Variants in MAP3K5 observed in about 807,000 individuals in gnomAD.
MAP3K5 encodes the protein mitogen-activated protein kinase kinase kinase 5, also known as ASK-1.
A neutral mutation model predicts 158.7 loss-of-function variants in MAP3K5; 56 were observed. That is an observed-to-expected ratio of 0.35 (90% CI 0.28 to 0.44). The LOEUF is 0.44. Ranked by LOEUF, MAP3K5 falls within the 20% of genes least tolerant of loss-of-function variation. The pLI, the probability that MAP3K5 is intolerant of heterozygous loss-of-function variation, is 1.00. For synonymous variants in MAP3K5, 579 were observed against 601.7 expected (o/e 0.96, Z 0.55); for missense variants, 1,294 against 1,674.8 (o/e 0.77, Z 3.97).
At chr6:136,773,556 TTCTC>T (rs1784293459) in intron 1 of MAP3K5, among the ~76,000 whole-genome samples, 1 of 152,172 alleles carries the variant, frequency 6.6e-6, no homozygotes. Flanking sequence ...TCTCTGAACT[TTCTC>T]TCATCTGTTG....
intron 19 of MAP3K5, 81 bp from the exon 20 acceptor site, chr6:136,602,060 C>T (rs1775902220): frequency 1.8e-6 from 2 of 1,090,200 alleles, no homozygotes; most frequent in Non-Finnish European, 2.7e-6. Flanking sequence ...ATAACTTGAC[C>T]CCCCAATGCA....
rs527707294 is a variant in MAP3K5, at chr6:136,791,266, G to GT, written c.448+443dup. On this transcript the variant is annotated intron_variant, in intron 1 of 29. Transcript: ENST00000359015. ...AATATAGTTACACTCTGCGTGCATG[G>GT]TATGTCATCGTTCCCGTACTCTCAA... Among the ~76,000 whole-genome samples, 4 of 152,280 alleles carry GT rather than the reference G, an allele frequency of 2.6e-5. No homozygotes were observed. The South Asian group carries it at 8.3e-4, about 32-fold the overall frequency.
At chr6:136,738,521 T>C (rs984491502) in intron 1 of MAP3K5, among the ~76,000 whole-genome samples, 6 of 152,038 alleles carry the variant, frequency 3.9e-5, no homozygotes, top group Non-Finnish European at 7.4e-5. Context: ...AAAAGAGTCT[T>C]CCAACTGGCA....
chr6:136,574,750 A>G lies in MAP3K5; in HGVS notation c.3517+5551T>C, dbSNP rs564173435. 1.1e-4 allele frequency among the ~76,000 whole-genome samples: 14 copies of G among 130,548 alleles called. No homozygotes were observed. The East Asian group carries it at 1.9e-3, about 18-fold the overall frequency. 85.6% of individuals were successfully genotyped at this position (130,548 alleles called of 152,430 possible). A position where few individuals can be genotyped will look rare whatever the true frequency, so the allele number is the denominator to read the frequency against. ...TTCACCCAGGCTGGAGTGCAGTGGC[A>G]CGATCTCGGCTCACTGCAGGCTCCA... On this transcript the variant is annotated intron_variant, in intron 25 of 29. Coordinates refer to ENST00000359015, the MANE Select transcript of MAP3K5 (RefSeq NM_005923.4).
chr6:136,573,674 A>T (rs1204283884), intron 25 of MAP3K5, among the ~76,000 whole-genome samples: 1 of 152,152 alleles, frequency 6.6e-6, no homozygotes, highest in Non-Finnish European at 1.5e-5. Flanking sequence ...AGGGAAGTGT[A>T]TTTGAAAGAA....
intron 1 of MAP3K5, among the ~76,000 whole-genome samples, chr6:136,736,247 C>T (rs1166527898): frequency 6.6e-6 from 1 of 152,216 alleles, no homozygotes; most frequent in Non-Finnish European, 1.5e-5. Flanking sequence ...ATGGAAACCT[C>T]TCACAGTCAG....
intron 4 of MAP3K5, among the ~76,000 whole-genome samples, chr6:136,697,865 CT>C (rs1780671181): frequency 6.6e-6 from 1 of 152,126 alleles, no homozygotes. Flanking sequence ...TTGCCTCAGC[CT>C]TGTGAGTAGC....
At chr6:136,764,662 C>T (rs1053066693) in intron 1 of MAP3K5, among the ~76,000 whole-genome samples, 3 of 152,064 alleles carry the variant, frequency 2.0e-5, no homozygotes, top group Non-Finnish European at 2.9e-5. Context: ...GTGGTTATGC[C>T]GCAACAGAAA....
chr6:136,656,110 A>T, intron 10 of MAP3K5, 197 bp downstream of exon 10: 1 of 544,726 alleles, frequency 1.8e-6, no homozygotes, highest in Non-Finnish European at 3.3e-6. Context: ...ACATAAAAAT[A>T]GATCTCATTT....
intron 18 of MAP3K5, among the ~76,000 whole-genome samples, chr6:136,610,597 T>TAAAA (rs201221344): frequency 3.1e-5 from 2 of 64,338 alleles, no homozygotes; most frequent in African/African-American, 5.8e-5. Flanking sequence ...AAATGTTTAA[T>TAAAA]AAAAAAAAAA....
chr6:136,567,661 T>C lies in MAP3K5; in HGVS notation c.3731A>G (p.Gln1244Arg). ...GGTTTCTATTTTCATCCTTCCAAGC[T>C]GTACATTCAGTGACCGGTGAGCACT... Reference protein sequence around the residue: ...SQSAHRSLNVQLGRMKIETNR... With the variant: ...SQSAHRSLNVRLGRMKIETNR... Residue 1244 changes from glutamine to arginine, a missense_variant, in exon 26 of 30, where the codon CAG (glutamine) becomes CGG (arginine). Physicochemically the swap from Gln to Arg is conservative, Grantham distance 43. Coordinates refer to ENST00000359015, the MANE Select transcript of MAP3K5 (RefSeq NM_005923.4). The C allele has an allele frequency of 6.2e-7, 1 of 1,614,182 alleles. No homozygotes were observed. Among genetic ancestry groups the C allele is most frequent in the Non-Finnish European group, 8.5e-7 (1 of 1,180,016 alleles).
At chr6:136,557,908 G>A (rs1416891171) in intron 29 of MAP3K5, 90 bp from the exon 30 acceptor site, 1 of 850,898 alleles carries the variant, frequency 1.2e-6, no homozygotes, top group Admixed American at 1.7e-5. Context: ...GCTTTCATCT[G>A]CTCTGGTCAG....
intron 10 of MAP3K5, among the ~76,000 whole-genome samples, chr6:136,651,773 T>G (rs543122946): frequency 2.0e-5 from 3 of 152,256 alleles, no homozygotes; most frequent in Admixed American, 2.0e-4. Context: ...ATGTGATAAA[T>G]GAGTTGAGAA....
At chr6:136,571,898 T>C (rs1247136239) in intron 25 of MAP3K5, among the ~76,000 whole-genome samples, 1 of 152,228 alleles carries the variant, frequency 6.6e-6, no homozygotes, top group East Asian at 1.9e-4. Context: ...TTCCAATTTC[T>C]CCATGTCCTC....
intron 23 of MAP3K5, among the ~76,000 whole-genome samples, chr6:136,587,101 G>T (rs369120765): frequency 6.6e-6 from 1 of 152,150 alleles, no homozygotes; most frequent in South Asian, 2.1e-4. Flanking sequence ...ATGCTCTCCA[G>T]TCTTTATCCT....
chr6:136,759,761 ATTTTT>A (rs11317822), intron 1 of MAP3K5, among the ~76,000 whole-genome samples: 2 of 99,928 alleles, frequency 2.0e-5, no homozygotes, highest in Non-Finnish European at 3.9e-5. Flanking sequence ...CCAGCCCTCT[ATTTTT>A]TTTTTTTTTT....
rs1775420524 is a variant in MAP3K5 at position 136,592,260 on chromosome 6, C to T, written c.3138G>A (p.Lys1046=). ...EKDSGFFMLR[K]DSERRATLHR... is the part of the protein sequence containing the mutation. ...GAAGGGTAGCTCGCCTCTCACTGTC[C>T]TTCCTCAGCATGAAGAATCCAGAAT... The change falls in exon 23 of 30, where the codon AAG becomes AAA. Residue 1046 remains lysine, a synonymous_variant. Coordinates refer to ENST00000359015, the MANE Select transcript of MAP3K5 (RefSeq NM_005923.4). 1 of 1,612,050 alleles carries T rather than the reference C, an allele frequency of 6.2e-7. No individual in the cohort carries two copies. The highest frequency in any genetic ancestry group is 1.3e-5 in the African/African-American group (1 of 74,900).
chr6:136,712,665 G>T (rs1172216994), intron 2 of MAP3K5, among the ~76,000 whole-genome samples: 3 of 152,202 alleles, frequency 2.0e-5, no homozygotes, highest in African/African-American at 7.2e-5. Context: ...TTTACACATT[G>T]ATATGGTTTG....
chr6:136,792,083 G>C lies in MAP3K5; in HGVS notation c.75C>G (p.Pro25=). 2 of 1,578,296 alleles carry C rather than the reference G, an allele frequency of 1.3e-6. No homozygotes were observed. The highest frequency in any genetic ancestry group is 1.1e-5 in the South Asian group (1 of 87,868). The change falls in exon 1 of 30, where the codon CCC becomes CCG. Residue 25 remains proline (P), a synonymous_variant. Coordinates refer to ENST00000359015, the MANE Select transcript of MAP3K5 (RefSeq NM_005923.4). This position sits in a 1 kb window ranked among gnomAD's most constrained non-coding sequence, Gnocchi z 5.7. The part of the protein sequence containing the change: ...PFAPSGFCTI[P]EGGICRRGGA... ...CTCCCCTCCTGCAGATGCCGCCCTC[G>C]GGGATGGTGCAGAAGCCCGAGGGGG...
Sources: gnomAD v4.1 joint callset for allele counts (sites outside exome capture counted in the v4.1 genomes callset) on GRCh38, gnomAD v4.1.1 for gene constraint, Gnocchi (gnomAD v3.1) non-coding constraint, MANE v1.5 for transcripts, NCBI Gene and HGNC (gene_info 2026-07-23, HGNC 2026-07-21) for gene names.